The following RANBP2 variants were observed in gnomAD, a reference collection of about 807,000 sequenced individuals.
RANBP2 encodes E3 SUMO-protein ligase RanBP2.
In RANBP2, 57 loss-of-function variants were observed where a neutral mutation model predicts 303.6. The ratio of observed to expected loss-of-function variants is 0.19; its 90% CI spans 0.15 to 0.23. The LOEUF (loss-of-function observed/expected upper bound fraction) is 0.23. Ranked by LOEUF, RANBP2 falls within the 10% of genes least tolerant of loss-of-function variation. The pLI is 1.00. For missense variants in RANBP2, 3,138 were observed against 3,780.8 expected, an observed-to-expected ratio of 0.83 and a Z score of 4.46; for synonymous variants, 1,167 against 1,301.5, an observed-to-expected ratio of 0.90 and a Z score of 2.23.
the RANBP2 span, among the ~76,000 whole-genome samples, chr2:108,880,656 A>G: frequency 2.0e-5 from 3 of 152,166 alleles, no homozygotes; most frequent in Non-Finnish European, 4.4e-5. Flanking sequence ...CCTGTACTCT[A>G]TAAATGGAAG....
the RANBP2 span, among the ~76,000 whole-genome samples, chr2:109,264,751 T>C: frequency 0.75 from 114,771 of 152,206 alleles, 43,815 homozygotes; most frequent in East Asian, 0.89. Flanking sequence ...CCAGGCCCAC[T>C]GGGCGGGCAT....
the RANBP2 span, among the ~76,000 whole-genome samples, chr2:108,988,494 G>A: frequency 1.3e-5 from 2 of 152,118 alleles, no homozygotes; most frequent in Non-Finnish European, 2.9e-5. Context: ...GGGGGTCTCA[G>A]ACACGACTGG....
the RANBP2 span, among the ~76,000 whole-genome samples, chr2:109,596,143 C>T: frequency 1.3e-5 from 2 of 152,160 alleles, no homozygotes; most frequent in South Asian, 4.1e-4. Flanking sequence ...GCGATCCTCC[C>T]ACCTCAGTTT....
the RANBP2 span, among the ~76,000 whole-genome samples, chr2:109,422,692 G>A: frequency 6.6e-6 from 1 of 152,198 alleles, no homozygotes; most frequent in Admixed American, 6.5e-5. Context: ...GCTCCTAGAG[G>A]CCATGCTCCT....
chr2:109,539,017 T>C, the RANBP2 span, among the ~76,000 whole-genome samples: 9 of 152,156 alleles, frequency 5.9e-5, no homozygotes, highest in Admixed American at 5.2e-4. Context: ...AACAATATTT[T>C]GGCTGGGAGC....
the RANBP2 span, among the ~76,000 whole-genome samples, chr2:109,736,057 G>C: frequency 6.6e-6 from 1 of 152,174 alleles, no homozygotes; most frequent in African/African-American, 2.4e-5. Flanking sequence ...GAAACCATCT[G>C]CAGGCAAGTT....
the RANBP2 span, among the ~76,000 whole-genome samples, chr2:109,550,882 C>T: frequency 1.3e-5 from 2 of 152,026 alleles, no homozygotes; most frequent in Admixed American, 6.5e-5. Context: ...TGTAAATTAC[C>T]GAGCATACTT....
At chr2:109,170,169 T>C in the RANBP2 span, among the ~76,000 whole-genome samples, 1 of 152,160 alleles carries the variant, frequency 6.6e-6, no homozygotes, top group Admixed American at 6.5e-5. Context: ...CATCGTCGGC[T>C]CTTGTTTCCT....
chr2:109,554,647 C>G, the RANBP2 span, among the ~76,000 whole-genome samples: 1 of 152,168 alleles, frequency 6.6e-6, no homozygotes, highest in East Asian at 1.9e-4. Flanking sequence ...CAGACAGTGG[C>G]CATCGCCGGG....
chr2:109,497,089 G>T, the RANBP2 span, among the ~76,000 whole-genome samples: 28 of 152,212 alleles, frequency 1.8e-4, no homozygotes, highest in Admixed American at 1.8e-3. Flanking sequence ...GTGAGACCAC[G>T]TTGGAGTTCT....
chr2:109,273,803 G>C, the RANBP2 span, among the ~76,000 whole-genome samples: 1 of 152,124 alleles, frequency 6.6e-6, no homozygotes, highest in East Asian at 1.9e-4. Context: ...ATCCAGATAT[G>C]CTGCTTGAGA....
At chr2:109,540,579 C>T in the RANBP2 span, among the ~76,000 whole-genome samples, 1 of 151,562 alleles carries the variant, frequency 6.6e-6, no homozygotes, top group African/African-American at 2.4e-5. Flanking sequence ...AATTCTAACA[C>T]TTTGGGAGGC....
At chr2:108,930,878 C>T in the RANBP2 span, 6 of 1,443,836 alleles carry the variant, frequency 4.2e-6, no homozygotes, top group East Asian at 2.3e-5. Context: ...ATCAGCATTC[C>T]CATTTTACAG....
the RANBP2 span, among the ~76,000 whole-genome samples, chr2:108,874,922 AT>A: frequency 3.1e-4 from 45 of 147,296 alleles, no homozygotes; most frequent in African/African-American, 9.7e-4. Flanking sequence ...AATTCATGGG[AT>A]TTTTTTTTTT....
the RANBP2 span, among the ~76,000 whole-genome samples, chr2:109,586,523 G>A: frequency 6.6e-6 from 1 of 152,176 alleles, no homozygotes; most frequent in African/African-American, 2.4e-5. Flanking sequence ...CAGATTGGTT[G>A]GGAATTCAGG....
At chr2:108,809,984 T>G in the RANBP2 span, among the ~76,000 whole-genome samples, 1 of 152,116 alleles carries the variant, frequency 6.6e-6, no homozygotes, top group Non-Finnish European at 1.5e-5. Flanking sequence ...TTTTGTACTT[T>G]TAGTAGAGAC....
chr2:109,405,630 C>T, the RANBP2 span, among the ~76,000 whole-genome samples: 1 of 152,240 alleles, frequency 6.6e-6, no homozygotes, highest in Non-Finnish European at 1.5e-5. Context: ...AGACACATAC[C>T]TGTGCAGAAG....
chr2:109,161,862 AT>A, the RANBP2 span, among the ~76,000 whole-genome samples: 1 of 151,764 alleles, frequency 6.6e-6, no homozygotes, highest in Non-Finnish European at 1.5e-5. Flanking sequence ...TGGGGATCAC[AT>A]TTTAATACAA....
chr2:109,108,452 A>G, the RANBP2 span, among the ~76,000 whole-genome samples: 3 of 152,188 alleles, frequency 2.0e-5, no homozygotes, highest in African/African-American at 4.8e-5. Context: ...TCAGGGCTCT[A>G]TTGGAGAAGC....
Sources: allele counts gnomAD v4.1 joint callset (sites outside exome capture counted in the v4.1 genomes callset), GRCh38; gene constraint gnomAD v4.1.1; transcripts MANE v1.5; gene names NCBI Gene and HGNC (gene_info 2026-07-23, HGNC 2026-07-21).